Variants in TFDP2 observed in about 807,000 individuals in gnomAD.
TFDP2 encodes transcription factor Dp-2 (E2F dimerization partner 2).
Under a neutral mutation model 59.3 loss-of-function variants are expected in TFDP2, and 17 were observed. The ratio of observed to expected loss-of-function variants is 0.29; its 90% CI spans 0.20 to 0.43. The LOEUF (loss-of-function observed/expected upper bound fraction) is 0.43. Among genes scored for constraint, TFDP2 ranks in the 20% least tolerant of loss-of-function variants. TFDP2 has a pLI of 1.00. For missense variants in TFDP2, 391 were observed against 528.8 expected, an observed-to-expected ratio of 0.74 and a Z score of 2.56; for synonymous variants, 180 against 194.7, an observed-to-expected ratio of 0.92 and a Z score of 0.63.
At chr3:142,098,452 G>C (rs1341938452) in intron 2 of TFDP2, among the ~76,000 whole-genome samples, 3 of 151,482 alleles carry the variant, frequency 2.0e-5, no homozygotes, top group South Asian at 2.1e-4. Context: ...TTTGCAAAGT[G>C]ATCAATCCTA....
At chr3:142,043,648 G>T (rs901226071) in intron 3 of TFDP2, 5 of 924,822 alleles carry the variant, frequency 5.4e-6, no homozygotes, top group South Asian at 1.3e-5. Context: ...TTCCTCCTTA[G>T]ACAAAGTCTT....
intron 3 of TFDP2, chr3:142,043,934 T>G: frequency 1.2e-6 from 1 of 818,682 alleles, no homozygotes; most frequent in Non-Finnish European, 2.2e-6. Context: ...TTCTCTGGCA[T>G]TCGCGCATTG....
rs1480248520 is a variant in TFDP2, at chr3:141,977,115, T to A, written c.519+1405A>T. ...ATATATATATATATATATTTTTTTT[T>A]TTTTTTTTTTTTTCCCCCCAAAGAG... On this transcript the variant is annotated intron_variant, in intron 7 of 12. Transcript: ENST00000489671. Among the ~76,000 whole-genome samples, 256 of 121,654 alleles carry A rather than the reference T, an allele frequency of 2.1e-3. 2 individuals are homozygous for A. The highest frequency in any genetic ancestry group is 8.3e-3 in the African/African-American group (238 of 28,828). The allele number at this position is 121,654 out of a possible 152,430, so 79.8% of individuals were successfully genotyped here. A position where few individuals can be genotyped will look rare whatever the true frequency, so the allele number is the denominator to read the frequency against.
Position 141,984,930 on chromosome 3 carries a change from C to CT in TFDP2, c.357-6249dup, listed in dbSNP as rs1056348703. Among the ~76,000 whole-genome samples the CT allele has an allele frequency of 3.4e-4, 51 of 151,222 alleles. No individual in the cohort carries two copies. The South Asian group carries it at 6.3e-3, about 19-fold the overall frequency. On this transcript the variant is annotated intron_variant, in intron 6 of 12. Coordinates refer to ENST00000489671, the MANE Select transcript of TFDP2 (RefSeq NM_001178139.2). The stretch of plus-strand genomic sequence containing the variant: ...TTGTATTCATTTTACTGTTCTTCTT[C>CT]TTTTTTTTTACATTGCTCCTTGTGG...
chr3:142,056,413 T>C (rs1005738844), intron 3 of TFDP2, among the ~76,000 whole-genome samples: 2 of 151,370 alleles, frequency 1.3e-5, no homozygotes, highest in Admixed American at 6.6e-5. Flanking sequence ...GCGGTAAATA[T>C]AGAAGCGGGA....
intron 3 of TFDP2, among the ~76,000 whole-genome samples, chr3:142,034,806 C>T (rs1164609770): frequency 6.6e-6 from 1 of 151,872 alleles, no homozygotes; most frequent in Non-Finnish European, 1.5e-5. Context: ...AGCTCTGCCT[C>T]CCAGGTTCTC....
chr3:141,980,106 T>C (rs968348775), intron 6 of TFDP2, among the ~76,000 whole-genome samples: 3 of 151,740 alleles, frequency 2.0e-5, no homozygotes, highest in Non-Finnish European at 2.9e-5. Context: ...GGTCTCATTA[T>C]GTTGCCCAGG....
chr3:142,019,170 T>C (rs888522811), intron 3 of TFDP2, among the ~76,000 whole-genome samples: 34 of 152,062 alleles, frequency 2.2e-4, no homozygotes, highest in African/African-American at 7.7e-4. Flanking sequence ...GTTCAATGGA[T>C]TCTCCTGCCT....
intron 2 of TFDP2, among the ~76,000 whole-genome samples, chr3:142,097,606 G>A (rs1170636405): frequency 1.3e-5 from 2 of 152,084 alleles, no homozygotes; most frequent in African/African-American, 4.8e-5. Context: ...CATCGCTTGA[G>A]CCCAGGAGGT....
chr3:142,131,584 T>A (rs2062503716), intron 1 of TFDP2, among the ~76,000 whole-genome samples: 1 of 150,192 alleles, frequency 6.7e-6, no homozygotes, highest in African/African-American at 2.5e-5. Flanking sequence ...AGCAACAAAT[T>A]AATACAGATC....
chr3:141,985,536 A>C (rs938571564), intron 6 of TFDP2, among the ~76,000 whole-genome samples: 49 of 151,788 alleles, frequency 3.2e-4, no homozygotes, highest in Non-Finnish European at 5.4e-4. Context: ...AAAAAAAAAA[A>C]AAAAAAACAC....
At chr3:142,134,470 A>G (rs1273595007) in intron 1 of TFDP2, among the ~76,000 whole-genome samples, 1 of 152,194 alleles carries the variant, frequency 6.6e-6, no homozygotes, top group Non-Finnish European at 1.5e-5. Context: ...AAATTAATCA[A>G]AATTGCCATT....
chr3:141,946,280 G>C lies in TFDP2; in HGVS notation c.*6233C>G, dbSNP rs570587855. 5.9e-5 allele frequency: 9 copies of C among 152,352 alleles called. No homozygotes were observed. The East Asian group carries it at 1.7e-3, about 29-fold the overall frequency. The allele number at this position is 152,352 out of a possible 1,614,324, so 9.4% of individuals were successfully genotyped here. ...CTGAGACCTGCGGCGAAGGGGCGAGGCCTGACCCTGAGCATCAGCTACGTT... is the reference window on the plus strand; with the variant it reads ...CTGAGACCTGCGGCGAAGGGGCGAGCCCTGACCCTGAGCATCAGCTACGTT... On this transcript the variant is annotated 3_prime_UTR_variant, in exon 13 of 13. Transcript: ENST00000489671.
At chr3:142,094,009 C>A in intron 2 of TFDP2, 1 of 493,880 alleles carries the variant, frequency 2.0e-6, no homozygotes, top group Admixed American at 2.1e-5. Context: ...TATGAATTCA[C>A]TTTTAGATAA....
chr3:142,140,351 A>C, intron 1 of TFDP2, among the ~76,000 whole-genome samples: 1 of 152,254 alleles, frequency 6.6e-6, no homozygotes, highest in South Asian at 2.1e-4. Flanking sequence ...AACCTTCTGA[A>C]GCCTGCTTCT....
At position 142,141,868 on chromosome 3, in the gene TFDP2, A is replaced by G. The variant is rs554997363; in HGVS notation, c.-93+7315T>C. 2.0e-5 allele frequency among the ~76,000 whole-genome samples: 3 copies of G among 152,218 alleles called. No homozygotes were observed. The East Asian group carries it at 5.8e-4, about 29-fold the overall frequency. ...AGAGCATGAAATATGTTGCAAAAGG[A>G]CATATAGGTCTTAAATAAAATATTT... On this transcript the variant is annotated intron_variant, in intron 1 of 12. Coordinates refer to ENST00000489671, the MANE Select transcript of TFDP2 (RefSeq NM_001178139.2).
chr3:142,131,022 C>T lies in TFDP2; in HGVS notation c.-93+18161G>A, dbSNP rs181449820. On this transcript the variant is annotated intron_variant, in intron 1 of 12. Transcript: ENST00000489671. ...GAGCCAAGATCACGCCATTGCACTCCAGCCTGGGCAACAAGAGCGAAACTA... is the reference window on the plus strand; with the variant it reads ...GAGCCAAGATCACGCCATTGCACTCTAGCCTGGGCAACAAGAGCGAAACTA... Among the ~76,000 whole-genome samples, 158 of 141,106 alleles carry T rather than the reference C, an allele frequency of 1.1e-3. 16 individuals carry two copies. Among genetic ancestry groups the T allele is most frequent in the African/African-American group, 4.2e-3 (147 of 35,108 alleles). 92.6% of individuals were successfully genotyped at this position (141,106 alleles called of 152,430 possible). A position where few individuals can be genotyped will look rare whatever the true frequency, so the allele number is the denominator to read the frequency against.
Position 141,950,141 on chromosome 3 carries a change from T to C in TFDP2, c.*2372A>G, listed in dbSNP as rs1006370393. ...CTAACACTGCCTCACTTTGATCTTGTGTGAAATTGTGACTCAGTGCTGAGC... is the reference window on the plus strand; with the variant it reads ...CTAACACTGCCTCACTTTGATCTTGCGTGAAATTGTGACTCAGTGCTGAGC... On this transcript the variant is annotated 3_prime_UTR_variant, in exon 13 of 13. Transcript: ENST00000489671. The C allele has an allele frequency of 6.6e-6, 1 of 152,176 alleles. No individual in the cohort carries two copies. Among genetic ancestry groups the C allele is most frequent in the African/African-American group, 2.4e-5 (1 of 41,426 alleles). 9.4% of individuals were successfully genotyped at this position (152,176 alleles called of 1,614,324 possible).
intron 3 of TFDP2, among the ~76,000 whole-genome samples, chr3:142,088,310 C>T (rs2060873668): frequency 6.6e-6 from 1 of 151,886 alleles, no homozygotes; most frequent in Admixed American, 6.6e-5. Context: ...CTGGAGCAGT[C>T]CAGCTATCTT....
Sources: allele counts gnomAD v4.1 joint callset (sites outside exome capture counted in the v4.1 genomes callset), GRCh38; gene constraint gnomAD v4.1.1; transcripts MANE v1.5; gene names NCBI Gene and HGNC (gene_info 2026-07-23, HGNC 2026-07-21).